The following GPC6 variants were observed in gnomAD, a reference collection of about 807,000 sequenced individuals.
GPC6 encodes the protein glypican-6.
GPC6 carries 14 observed loss-of-function variants against 55.2 expected under a neutral mutation model. The observed-to-expected ratio is 0.25, with a 90% CI of 0.17 to 0.40. GPC6 has a LOEUF of 0.40. GPC6 is among the 10% of genes least tolerant of loss of function. The probability of loss-of-function intolerance (pLI) is 1.00; values close to 1 mark genes in which losing one functional copy is unlikely to be tolerated. For synonymous variants in GPC6, 278 were observed against 259.6 expected, an observed-to-expected ratio of 1.07 and a Z score of -0.68; for missense variants, 641 against 708.5, an observed-to-expected ratio of 0.90 and a Z score of 1.08.
At chr13:93,490,162 G>A (rs910512597) in intron 1 of GPC6, among the ~76,000 whole-genome samples, 1 of 151,474 alleles carries the variant, frequency 6.6e-6, no homozygotes, top group Non-Finnish European at 1.5e-5. Context: ...AATTTATTGA[G>A]AGTTTTTAGC....
At chr13:94,209,786 A>C (rs1009289249) in intron 4 of GPC6, among the ~76,000 whole-genome samples, 1 of 152,148 alleles carries the variant, frequency 6.6e-6, no homozygotes, top group Non-Finnish European at 1.5e-5. Flanking sequence ...GTGTGACCTT[A>C]AATGAGTGTT....
intron 2 of GPC6, among the ~76,000 whole-genome samples, chr13:93,593,616 C>T (rs746067149): frequency 6.6e-6 from 1 of 152,008 alleles, no homozygotes; most frequent in Non-Finnish European, 1.5e-5. Context: ...TTGCTTATTT[C>T]TGGAAACATT....
At chr13:93,422,515 A>C (rs1231350524) in intron 1 of GPC6, among the ~76,000 whole-genome samples, 1 of 152,224 alleles carries the variant, frequency 6.6e-6, no homozygotes, top group African/African-American at 2.4e-5. Context: ...TAAAACAGTT[A>C]TGAAAACAAA....
chr13:94,072,293 C>T (rs933280157), intron 4 of GPC6, among the ~76,000 whole-genome samples: 9 of 152,098 alleles, frequency 5.9e-5, no homozygotes, highest in Admixed American at 2.6e-4. Context: ...AACATAACGT[C>T]TTTTGCTTAC....
At chr13:94,393,126 G>C (rs1306908497) in intron 7 of GPC6, among the ~76,000 whole-genome samples, 1 of 152,156 alleles carries the variant, frequency 6.6e-6, no homozygotes, top group Non-Finnish European at 1.5e-5. Context: ...GTTGCTGATA[G>C]CATAGGCTTG....
At chr13:94,392,415 ATTTTTTTTTTTTTT>A (rs59173357) in intron 7 of GPC6, among the ~76,000 whole-genome samples, 2,619 of 105,730 alleles carry the variant, frequency 0.025, 96 homozygotes, top group African/African-American at 0.083. Context: ...TCTATTTTTA[ATTTTTTTTTTTTTT>A]TTTTTTTTTT....
At chr13:93,681,086 A>G (rs1881829911) in intron 2 of GPC6, among the ~76,000 whole-genome samples, 1 of 152,176 alleles carries the variant, frequency 6.6e-6, no homozygotes, top group Non-Finnish European at 1.5e-5. Flanking sequence ...ATTCTTTGGT[A>G]ACTTTGCTTC....
At chr13:93,496,172 C>A (rs1050651088) in intron 1 of GPC6, among the ~76,000 whole-genome samples, 1 of 152,082 alleles carries the variant, frequency 6.6e-6, no homozygotes, top group Admixed American at 6.6e-5. Flanking sequence ...TAGCAATCAG[C>A]GAGAGTCCGT....
At chr13:94,072,683 T>C (rs1383251018) in intron 4 of GPC6, among the ~76,000 whole-genome samples, 1 of 152,208 alleles carries the variant, frequency 6.6e-6, no homozygotes, top group African/African-American at 2.4e-5. Context: ...TCTCTACCTT[T>C]TAAAGCACTA....
At chr13:94,292,470 C>G (rs1875039790) in intron 5 of GPC6, among the ~76,000 whole-genome samples, 1 of 152,202 alleles carries the variant, frequency 6.6e-6, no homozygotes, top group Non-Finnish European at 1.5e-5. Context: ...ATGCCTAGTA[C>G]TTCCATATGA....
chr13:93,903,840 CAT>C (rs1460096228), intron 3 of GPC6, among the ~76,000 whole-genome samples: 1 of 152,106 alleles, frequency 6.6e-6, no homozygotes, highest in Non-Finnish European at 1.5e-5. Flanking sequence ...TCATTTCCCA[CAT>C]TCTCTGTGAC....
chr13:94,054,337 A>T (rs1016305990), intron 4 of GPC6, among the ~76,000 whole-genome samples: 15 of 152,180 alleles, frequency 9.9e-5, no homozygotes, highest in Admixed American at 6.5e-4. Flanking sequence ...CAGAGCTGAG[A>T]TGTGAACCTG....
At chr13:93,338,292 T>A (rs899724112) in intron 1 of GPC6, among the ~76,000 whole-genome samples, 1 of 152,188 alleles carries the variant, frequency 6.6e-6, no homozygotes, top group African/African-American at 2.4e-5. Flanking sequence ...GAATTACAGC[T>A]GTAATAATAA....
At chr13:94,351,978 A>G (rs566915753) in intron 6 of GPC6, among the ~76,000 whole-genome samples, 12 of 149,666 alleles carry the variant, frequency 8.0e-5, no homozygotes, top group African/African-American at 2.2e-4. Flanking sequence ...AAAAAAAAAA[A>G]AAAAGAAAAA....
chr13:93,381,443 ATAATTAT>A (rs1875165386), intron 1 of GPC6, among the ~76,000 whole-genome samples: 1 of 152,186 alleles, frequency 6.6e-6, no homozygotes. Context: ...ATTTTAAATC[ATAATTAT>A]TAATTCTTCA....
At chr13:94,309,271 G>A (rs1447250387) in intron 6 of GPC6, among the ~76,000 whole-genome samples, 1 of 152,086 alleles carries the variant, frequency 6.6e-6, no homozygotes, top group African/African-American at 2.4e-5. Flanking sequence ...AAAGCACTTG[G>A]AGAGTTACTT....
chr13:94,155,697 T>G (rs1241928518), intron 4 of GPC6, among the ~76,000 whole-genome samples: 9 of 152,158 alleles, frequency 5.9e-5, no homozygotes, highest in African/African-American at 1.9e-4. Flanking sequence ...CAAATCTGAT[T>G]AACCATGCCA....
chr13:94,015,071 C>T (rs1295665122), intron 3 of GPC6, among the ~76,000 whole-genome samples: 1 of 152,182 alleles, frequency 6.6e-6, no homozygotes, highest in Non-Finnish European at 1.5e-5. Flanking sequence ...ATTGCTAGAT[C>T]ACATGGTAGT....
At chr13:93,952,659 GTATA>G (rs1246906775) in intron 3 of GPC6, among the ~76,000 whole-genome samples, 1 of 151,148 alleles carries the variant, frequency 6.6e-6, no homozygotes, top group African/African-American at 2.4e-5. Context: ...ATATATGTAT[GTATA>G]TGTATGTGTG....
Sources: gnomAD v4.1 joint callset for allele counts (sites outside exome capture counted in the v4.1 genomes callset) on GRCh38, gnomAD v4.1.1 for gene constraint, MANE v1.5 for transcripts, NCBI Gene and HGNC (gene_info 2026-07-23, HGNC 2026-07-21) for gene names.